The following B4GALT2 variants were observed in gnomAD, a reference collection of about 807,000 sequenced individuals.
B4GALT2 encodes beta-1,4-galactosyltransferase 2.
Under a neutral mutation model 33.2 loss-of-function variants are expected in B4GALT2, and 18 were observed. The ratio of observed to expected loss-of-function variants is 0.54; its 90% CI spans 0.38 to 0.80. The LOEUF (loss-of-function observed/expected upper bound fraction) is 0.80. Among genes scored for constraint, B4GALT2 ranks in the 30% least tolerant of loss-of-function variants. The pLI, the probability that B4GALT2 is intolerant of heterozygous loss-of-function variation, is 0.00. For synonymous variants in B4GALT2, 214 were observed against 217.6 expected, an observed-to-expected ratio of 0.98 and a Z score of 0.15; for missense variants, 404 against 526.2, an observed-to-expected ratio of 0.77 and a Z score of 2.27.
chr1:43,988,695 C>G (rs909996891), intron 6 of B4GALT2, among the ~76,000 whole-genome samples: 4 of 151,504 alleles, frequency 2.6e-5, no homozygotes, highest in African/African-American at 9.7e-5. Context: ...AAAACCAAAA[C>G]AAAAAGCCGG....
intron 3 of B4GALT2, among the ~76,000 whole-genome samples, chr1:43,983,382 C>G (rs574771338): frequency 1.1e-3 from 170 of 152,164 alleles, no homozygotes; most frequent in African/African-American, 3.8e-3. Context: ...TGGAGGAGAC[C>G]CAGGGGAGTG....
In B4GALT2 at chr1:43,990,456, G is replaced by T; in HGVS notation, c.*8G>T. 6.2e-7 allele frequency: 1 copy of T among 1,614,084 alleles called. No individual in the cohort carries two copies. Among genetic ancestry groups the T allele is most frequent in the Non-Finnish European group, 8.5e-7 (1 of 1,180,002 alleles). ...TGGCCCCCTCGGGGCTGACACTAAT[G>T]GACAGAGGCTCTCGGTGCCGAAGAT... is the stretch of plus-strand genomic sequence containing the variant. On this transcript the variant is annotated 3_prime_UTR_variant, in exon 7 of 7. Transcript: ENST00000372324.
chr1:43,979,747 T>C lies in B4GALT2; in HGVS notation c.-53+236T>C. 2.5e-6 allele frequency: 1 copy of C among 403,522 alleles called. No individual in the cohort carries two copies. Among genetic ancestry groups the C allele is most frequent in the Non-Finnish European group, 4.5e-6 (1 of 221,578 alleles). 25.0% of individuals were successfully genotyped at this position (403,522 alleles called of 1,614,324 possible). A position where few individuals can be genotyped will look rare whatever the true frequency, so the allele number is the denominator to read the frequency against. ...ATTGTCCTCGCTCGCCCCGGCCTCGTGGCGCGGGGAGGCGTTCCATACACG... is the reference window on the plus strand; with the variant it reads ...ATTGTCCTCGCTCGCCCCGGCCTCGCGGCGCGGGGAGGCGTTCCATACACG... On this transcript the variant is annotated intron_variant, in intron 1 of 6. Transcript: ENST00000372324. The surrounding 1 kb of genome is among the most constrained non-coding windows in gnomAD (Gnocchi z 4.8).
chr1:43,980,397 C>T (rs2085581272), intron 1 of B4GALT2: 1 of 339,384 alleles, frequency 2.9e-6, no homozygotes, highest in Non-Finnish European at 4.5e-6. Context: ...GAGGGGTGTC[C>T]CCTGCCTTGC....
At chr1:43,990,220 A>G (rs2085712773) in intron 6 of B4GALT2, 78 bp from the exon 7 acceptor site, 1 of 1,559,512 alleles carries the variant, frequency 6.4e-7, no homozygotes, top group Non-Finnish European at 8.8e-7. Context: ...GGGTCCATTT[A>G]GTTGGTTGGG....
rs750219407 is a variant in B4GALT2, at chr1:43,990,388, A to C, written c.1059A>C (p.Pro353=). Reference sequence around the variant, plus strand: ...AGGTCTTGGAGGTGTCTCGGCAACCACTCTTCACCAATATCACAGTGGACA... The same window carrying C: ...AGGTCTTGGAGGTGTCTCGGCAACCCCTCTTCACCAATATCACAGTGGACA... ...RYQVLEVSRQ[P]LFTNITVDIG... is the part of the protein sequence containing the mutation. The change falls in exon 7 of 7, where the codon CCA becomes CCC. Residue 353 remains proline, a synonymous_variant. Transcript: ENST00000372324. The C allele has an allele frequency of 1.9e-6, 3 of 1,613,512 alleles. No homozygotes were observed. The Admixed American group carries it at 5.0e-5, about 27-fold the overall frequency.
rs2085593737 is a variant in B4GALT2, at chr1:43,981,360, G to A, written c.200G>A (p.Cys67Tyr). Residue 67 changes from cysteine to tyrosine, a missense_variant, in exon 2 of 7, where the codon TGC becomes TAC. Cys to Tyr is a radical substitution (Grantham distance 194, BLOSUM62 -2). Coordinates refer to ENST00000372324, the MANE Select transcript of B4GALT2 (RefSeq NM_003780.5). This position sits in a 1 kb window ranked among gnomAD's most constrained non-coding sequence, Gnocchi z 8.1. Reference protein sequence around the residue: ...AASSSSSSSNCSRPNATASSS... With the variant: ...AASSSSSSSNYSRPNATASSS... ...AGCAGCAGCAGCAGCAGCAGCAACT[G>A]CTCCCGGCCCAACGCCACCGCCTCT... The A allele has an allele frequency of 6.3e-7, 1 of 1,599,504 alleles. No individual in the cohort carries two copies. The highest frequency in any genetic ancestry group is 1.3e-5 in the African/African-American group (1 of 75,022).
Position 43,981,548 on chromosome 1 carries a change from C to T in B4GALT2, c.313+75C>T, listed in dbSNP as rs1270842856. 6.6e-7 allele frequency: 1 copy of T among 1,520,364 alleles called. No homozygotes were observed. Among genetic ancestry groups the T allele is most frequent in the Non-Finnish European group, 8.8e-7 (1 of 1,133,816 alleles). The allele number at this position is 1,520,364 out of a possible 1,614,324, so 94.2% of individuals were successfully genotyped here. A position where few individuals can be genotyped will look rare whatever the true frequency, so the allele number is the denominator to read the frequency against. On this transcript the variant is annotated intron_variant, in intron 2 of 6. Transcript: ENST00000372324. This position sits in a 1 kb window ranked among gnomAD's most constrained non-coding sequence, Gnocchi z 8.1. ...TTTGACTAGAGAAATGGCATCTGGA[C>T]CCAGGGGTGTGCCAGGGGTCCAGGT...
chr1:43,985,450 G>GGT (rs1553155406), intron 5 of B4GALT2, 50 bp downstream of exon 5: 10 of 822,516 alleles, frequency 1.2e-5, no homozygotes, highest in South Asian at 3.3e-5. Flanking sequence ...GGGAGGGGGG[G>GGT]TGCAGACTGG....
intron 5 of B4GALT2, 32 bp downstream of exon 5, chr1:43,985,432 G>GT (rs775625504): frequency 2.9e-6 from 3 of 1,046,226 alleles, no homozygotes; most frequent in Non-Finnish European, 4.1e-6. Flanking sequence ...AATAGGCTGG[G>GT]TGGGGGGGGG....
intron 6 of B4GALT2, among the ~76,000 whole-genome samples, chr1:43,989,320 CAAAA>C (rs34161254): frequency 3.4e-5 from 4 of 118,194 alleles, no homozygotes; most frequent in East Asian, 2.5e-4. Context: ...TACTCTGTCT[CAAAA>C]AAAAAAAAAA....
Position 43,981,354 on chromosome 1 carries a change from G to A in B4GALT2, c.194G>A (p.Ser65Asn), listed in dbSNP as rs1270757974. 6.3e-7 allele frequency: 1 copy of A among 1,599,798 alleles called. No homozygotes were observed. Among genetic ancestry groups the A allele is most frequent in the East Asian group, 2.2e-5 (1 of 44,870 alleles). The change falls in exon 2 of 7, where the codon AGC (serine) becomes AAC (asparagine). Residue 65 changes from serine (S) to asparagine (N), a missense_variant. Physicochemically the swap from Ser to Asn is conservative, Grantham distance 46. Transcript: ENST00000372324. This position sits in a 1 kb window ranked among gnomAD's most constrained non-coding sequence, Gnocchi z 8.1. Reference protein sequence around the residue: ...HPAASSSSSSSNCSRPNATAS... With the variant: ...HPAASSSSSSNNCSRPNATAS... ...GCTGCTAGCAGCAGCAGCAGCAGCA[G>A]CAACTGCTCCCGGCCCAACGCCACC...
chr1:43,985,509 A>G lies in B4GALT2; in HGVS notation c.864-8A>G. ...AGCCTGTTCCAGTCTGTCCGTCCCC[A>G]TCCTCAGGATCTCCCTGACTGGGAT... is the stretch of plus-strand genomic sequence containing the variant. On this transcript the variant is annotated splice_region_variant and splice_polypyrimidine_tract_variant and intron_variant, in intron 5 of 6. Transcript: ENST00000372324. The G allele has an allele frequency of 3.7e-6, 6 of 1,607,746 alleles. No homozygotes were observed. The highest frequency in any genetic ancestry group is 5.1e-6 in the Non-Finnish European group (6 of 1,178,734).
At position 43,985,417 on chromosome 1, in the gene B4GALT2, TGGGGAATAGGCTGGGTGGGGGGGGGAGGG is replaced by T; in HGVS notation, c.863+22_863+50del. 3.1e-6 allele frequency: 2 copies of T among 650,118 alleles called. No homozygotes were observed. The highest frequency in any genetic ancestry group is 4.1e-6 in the Non-Finnish European group (2 of 486,572). 40.3% of individuals were successfully genotyped at this position (650,118 alleles called of 1,614,324 possible). ...CTTCAACCGGTGAGTAAGCACGCGG[TGGGGAATAGGCTGGGTGGGGGGGGGAGGG>T]GGGGTGCAGACTGGGTGGGGTTCTT... On this transcript the variant is annotated intron_variant, in intron 5 of 6. Transcript: ENST00000372324.
intron 1 of B4GALT2, chr1:43,980,480 T>G: frequency 6.4e-6 from 6 of 936,174 alleles, no homozygotes; most frequent in Non-Finnish European, 7.7e-6. Flanking sequence ...GCCCCCCGGA[T>G]GCTGAGGGCA....
Position 43,981,918 on chromosome 1 carries a change from C to G in B4GALT2, c.543C>G (p.Ile181Met). ...RQRLRYGVYV[I>M]NQHGEDTFNR... Reference sequence around the variant, plus strand: ...GGCTGCGCTACGGCGTCTATGTCATCAACCAGGTGCCCATGCGGGGGTCCA... The same window carrying G: ...GGCTGCGCTACGGCGTCTATGTCATGAACCAGGTGCCCATGCGGGGGTCCA... The change falls in exon 3 of 7, where the codon ATC (isoleucine) becomes ATG (methionine). Residue 181 changes from isoleucine to methionine, a missense_variant. By Grantham distance (10) the Ile-to-Met change is conservative. Transcript: ENST00000372324. This position sits in a 1 kb window ranked among gnomAD's most constrained non-coding sequence, Gnocchi z 8.1. 6.2e-7 allele frequency: 1 copy of G among 1,613,604 alleles called. No homozygotes were observed. The highest frequency in any genetic ancestry group is 8.5e-7 in the Non-Finnish European group (1 of 1,179,872).
rs1185774374 is a variant in B4GALT2 at position 43,981,915 on chromosome 1, C to A, written c.540C>A (p.Val180=). The A allele has an allele frequency of 2.5e-6, 4 of 1,613,532 alleles. No homozygotes were observed. In the Admixed American group the frequency reaches 5.0e-5, roughly 20 times the overall value. Residue 180 remains valine (V), a synonymous_variant, in exon 3 of 7, where the codon GTC becomes GTA. Coordinates refer to ENST00000372324, the MANE Select transcript of B4GALT2 (RefSeq NM_003780.5). This position sits in a 1 kb window ranked among gnomAD's most constrained non-coding sequence, Gnocchi z 8.1. ...AGCGGCTGCGCTACGGCGTCTATGT[C>A]ATCAACCAGGTGCCCATGCGGGGGT... ...RRQRLRYGVY[V]INQHGEDTFN...
chr1:43,989,840 CTAT>C (rs957462679), intron 6 of B4GALT2, among the ~76,000 whole-genome samples: 6 of 152,100 alleles, frequency 3.9e-5, no homozygotes, highest in Admixed American at 2.6e-4. Context: ...AAATTTTTTT[CTAT>C]TATTTATATT....
intron 1 of B4GALT2, chr1:43,980,406 G>A (rs1571800565): frequency 2.6e-6 from 1 of 383,748 alleles, no homozygotes; most frequent in Non-Finnish European, 3.7e-6. Flanking sequence ...CCCCTGCCTT[G>A]CCCCGTATTT....
Sources: gnomAD v4.1 joint callset for allele counts (sites outside exome capture counted in the v4.1 genomes callset) on GRCh38, gnomAD v4.1.1 for gene constraint, Gnocchi (gnomAD v3.1) non-coding constraint, MANE v1.5 for transcripts, NCBI Gene and HGNC (gene_info 2026-07-23, HGNC 2026-07-21) for gene names.